LARGE1: variants seen among roughly 807,000 people sequenced by gnomAD.
LARGE1 encodes xylosyl- and glucuronyltransferase LARGE1.
Under a neutral mutation model 87.6 loss-of-function variants are expected in LARGE1, and 43 were observed. That is an observed-to-expected ratio of 0.49 (90% CI 0.38 to 0.63). The LOEUF is 0.63. Ranked by LOEUF, LARGE1 falls within the 30% of genes least tolerant of loss-of-function variation. The pLI, the probability that LARGE1 is intolerant of heterozygous loss-of-function variation, is 0.00. For missense variants in LARGE1, 802 were observed against 1,000.2 expected, an observed-to-expected ratio of 0.80 and a Z score of 2.67; for synonymous variants, 434 against 394.6, an observed-to-expected ratio of 1.10 and a Z score of -1.18.
intron 5 of LARGE1, among the ~76,000 whole-genome samples, chr22:33,591,143 G>A (rs2148918563): frequency 6.6e-6 from 1 of 152,368 alleles, no homozygotes; most frequent in Non-Finnish European, 1.5e-5. Context: ...GGAGGTTGCA[G>A]TGAGCCAAGA....
intron 1 of LARGE1, among the ~76,000 whole-genome samples, chr22:33,835,384 G>A (rs2063082923): frequency 6.6e-6 from 1 of 152,178 alleles, no homozygotes; most frequent in African/African-American, 2.4e-5. Flanking sequence ...ACTGCTGCCT[G>A]CAATAGAGGC....
intron 3 of LARGE1, among the ~76,000 whole-genome samples, chr22:33,642,320 A>G (rs1195513757): frequency 6.6e-6 from 1 of 152,198 alleles, no homozygotes; most frequent in African/African-American, 2.4e-5. Flanking sequence ...TCCTTTACAG[A>G]CAAGCAAATC....
At chr22:33,156,421 G>A in the LARGE1 span, among the ~76,000 whole-genome samples, 2 of 152,220 alleles carry the variant, frequency 1.3e-5, no homozygotes, top group Non-Finnish European at 2.9e-5. Flanking sequence ...TTATCTGGAT[G>A]TGAGACATGG....
At chr22:33,549,420 A>G (rs1262594338) in intron 6 of LARGE1, among the ~76,000 whole-genome samples, 1 of 152,246 alleles carries the variant, frequency 6.6e-6, no homozygotes, top group Non-Finnish European at 1.5e-5. Context: ...TCGAGGGAAG[A>G]CCATAAATTC....
chr22:33,778,547 T>G (rs1159395198), intron 1 of LARGE1, among the ~76,000 whole-genome samples: 1 of 152,242 alleles, frequency 6.6e-6, no homozygotes, highest in Non-Finnish European at 1.5e-5. Context: ...GCTCTGTATA[T>G]TCCATGTATG....
At chr22:33,458,809 G>C (rs2068248242) in intron 6 of LARGE1, among the ~76,000 whole-genome samples, 1 of 152,102 alleles carries the variant, frequency 6.6e-6, no homozygotes, top group Non-Finnish European at 1.5e-5. Flanking sequence ...GTCTTGACTT[G>C]AATGCAGAGG....
chr22:33,585,534 G>A lies in LARGE1; in HGVS notation c.615+18901C>T, dbSNP rs370516349. On this transcript the variant is annotated intron_variant, in intron 5 of 14. Transcript: ENST00000397394. ...ACAGAGTGCATATGAGAATAAGGTT[G>A]CCTTCCCTCTTCCCATCTACAGTCC... Among the ~76,000 whole-genome samples, 17 of 152,108 alleles carry A rather than the reference G, an allele frequency of 1.1e-4. No individual in the cohort carries two copies. The South Asian group carries it at 1.5e-3, about 13-fold the overall frequency.
At chr22:33,843,305 C>T (rs1231753312) in intron 1 of LARGE1, among the ~76,000 whole-genome samples, 3 of 152,048 alleles carry the variant, frequency 2.0e-5, no homozygotes, top group Non-Finnish European at 4.4e-5. Flanking sequence ...GGCACAGTGG[C>T]TCATGCCTGT....
At chr22:33,511,049 C>A (rs148039535) in intron 6 of LARGE1, among the ~76,000 whole-genome samples, 5 of 152,330 alleles carry the variant, frequency 3.3e-5, no homozygotes, top group African/African-American at 1.2e-4. Flanking sequence ...ATCCATCACA[C>A]ACATAGTGAT....
At chr22:33,109,213 C>T in the LARGE1 span, 4 of 152,240 alleles carry the variant, frequency 2.6e-5, no homozygotes, top group African/African-American at 9.6e-5. Flanking sequence ...AGCCCCATCT[C>T]TCTACCATCT....
intron 7 of LARGE1, among the ~76,000 whole-genome samples, chr22:33,427,229 C>T (rs1342022205): frequency 1.3e-5 from 2 of 152,142 alleles, no homozygotes; most frequent in African/African-American, 4.8e-5. Context: ...GAAACTGACC[C>T]GTTTCTGTGC....
At chr22:33,148,454 C>T in the LARGE1 span, among the ~76,000 whole-genome samples, 1 of 152,194 alleles carries the variant, frequency 6.6e-6, no homozygotes, top group African/African-American at 2.4e-5. Flanking sequence ...GAATATGCCA[C>T]AGTTTGTTTA....
At chr22:33,098,436 G>A in the LARGE1 span, among the ~76,000 whole-genome samples, 5 of 152,020 alleles carry the variant, frequency 3.3e-5, no homozygotes, top group Non-Finnish European at 5.9e-5. Flanking sequence ...TGGCTAACAC[G>A]GTGAAACCCC....
chr22:33,297,540 G>A (rs932372808), intron 12 of LARGE1, among the ~76,000 whole-genome samples: 4 of 151,662 alleles, frequency 2.6e-5, no homozygotes, highest in Admixed American at 6.6e-5. Context: ...TTGAACCTGA[G>A]GGGCAGAGGT....
At chr22:33,417,841 T>G (rs2066555171) in intron 7 of LARGE1, among the ~76,000 whole-genome samples, 1 of 152,218 alleles carries the variant, frequency 6.6e-6, no homozygotes, top group Non-Finnish European at 1.5e-5. Context: ...CTTGTCCTAT[T>G]GTTTCCTCCA....
chr22:33,733,633 C>T (rs976740668), intron 2 of LARGE1: 3 of 152,180 alleles, frequency 2.0e-5, no homozygotes, highest in Admixed American at 6.5e-5. Flanking sequence ...TTTACCCATC[C>T]ATCCATCTAT....
chr22:33,421,357 T>C (rs377711265), intron 7 of LARGE1, among the ~76,000 whole-genome samples: 1 of 152,264 alleles, frequency 6.6e-6, no homozygotes. Flanking sequence ...AAATATGAAT[T>C]CTTTTTATCC....
chr22:33,885,424 A>T (rs1168822663), intron 1 of LARGE1, among the ~76,000 whole-genome samples: 1 of 152,128 alleles, frequency 6.6e-6, no homozygotes, highest in Admixed American at 6.6e-5. Context: ...CCGAGCCCCA[A>T]GTTCACACCA....
At chr22:33,556,066 C>G (rs78090964) in intron 6 of LARGE1, among the ~76,000 whole-genome samples, 10,983 of 152,188 alleles carry the variant, frequency 0.072, 535 homozygotes, top group African/African-American at 0.13. Flanking sequence ...ATGCATCCAC[C>G]TCTCTCCCTT....
Sources: gnomAD v4.1 joint callset for allele counts (sites outside exome capture counted in the v4.1 genomes callset) on GRCh38, gnomAD v4.1.1 for gene constraint, MANE v1.5 for transcripts, NCBI Gene and HGNC (gene_info 2026-07-23, HGNC 2026-07-21) for gene names.